Variants in NEK11 observed in about 807,000 individuals in gnomAD.
The protein encoded by NEK11 is serine/threonine-protein kinase Nek11.
Under a neutral mutation model 80.7 loss-of-function variants are expected in NEK11, and 72 were observed. That is an observed-to-expected ratio of 0.89 (90% CI 0.74 to 1.08). The LOEUF is 1.08. NEK11 is among the 50% of genes least tolerant of loss of function. The pLI is 0.00. For synonymous variants in NEK11, 251 were observed against 260.7 expected, an observed-to-expected ratio of 0.96 and a Z score of 0.36; for missense variants, 764 against 763.6, an observed-to-expected ratio of 1.00 and a Z score of -0.01.
chr3:131,049,801 A>C (rs1223751038), intron 3 of NEK11, among the ~76,000 whole-genome samples: 1 of 152,144 alleles, frequency 6.6e-6, no homozygotes, highest in Non-Finnish European at 1.5e-5. Flanking sequence ...AAAAGTAGAG[A>C]TCTTCTGAGG....
At chr3:131,220,834 A>G (rs1445020280) in intron 14 of NEK11, among the ~76,000 whole-genome samples, 3 of 151,926 alleles carry the variant, frequency 2.0e-5, no homozygotes, top group African/African-American at 7.3e-5. Context: ...TTGCTGTCAC[A>G]CTCTGGGTCC....
At chr3:131,274,689 C>G (rs1177206535) in intron 17 of NEK11, among the ~76,000 whole-genome samples, 1 of 132,952 alleles carries the variant, frequency 7.5e-6, no homozygotes, top group Non-Finnish European at 1.5e-5. Flanking sequence ...CTCTGTCGCC[C>G]AGGCCGGACT....
intron 16 of NEK11, among the ~76,000 whole-genome samples, chr3:131,254,429 G>A (rs1238064622): frequency 6.6e-6 from 1 of 152,074 alleles, no homozygotes; most frequent in African/African-American, 2.4e-5. Flanking sequence ...AGTTTCTAAG[G>A]GATTCAGAAG....
intron 3 of NEK11, among the ~76,000 whole-genome samples, chr3:131,041,712 T>A (rs2066515105): frequency 6.6e-6 from 1 of 152,174 alleles, no homozygotes; most frequent in South Asian, 2.1e-4. Context: ...AAGGGCTCAA[T>A]ATTTCATAAC....
chr3:131,216,392 T>C (rs2094835381), intron 14 of NEK11, among the ~76,000 whole-genome samples: 1 of 152,212 alleles, frequency 6.6e-6, no homozygotes, highest in Non-Finnish European at 1.5e-5. Flanking sequence ...CTCAATTTTA[T>C]TGGCAGCGAG....
At position 131,161,465 on chromosome 3, in the gene NEK11, A is replaced by G. The variant is rs570028297; in HGVS notation, c.963-943A>G. ...CATCCATGGTACACTAGATAAAGAA[A>G]ATGTGGTACATTTACACCATGGGAT... On this transcript the variant is annotated intron_variant, in intron 10 of 17. Coordinates refer to ENST00000383366, the MANE Select transcript of NEK11 (RefSeq NM_024800.5). Among the ~76,000 whole-genome samples, 3 of 152,300 alleles carry G rather than the reference A, an allele frequency of 2.0e-5. No homozygotes were observed. The East Asian group carries it at 5.8e-4, about 29-fold the overall frequency.
chr3:131,253,509 G>A (rs988668781), intron 16 of NEK11, among the ~76,000 whole-genome samples: 12 of 152,142 alleles, frequency 7.9e-5, no homozygotes, highest in African/African-American at 2.7e-4. Flanking sequence ...TGACATTTCC[G>A]TAGTTGAAAT....
At chr3:131,041,341 A>G (rs1352607011) in intron 3 of NEK11, among the ~76,000 whole-genome samples, 3 of 152,232 alleles carry the variant, frequency 2.0e-5, no homozygotes, top group Non-Finnish European at 2.9e-5. Flanking sequence ...GACCTGACAC[A>G]TATCTGAAAT....
At chr3:131,243,145 C>G (rs12637449) in intron 15 of NEK11, among the ~76,000 whole-genome samples, 2,783 of 152,122 alleles carry the variant, frequency 0.018, 41 homozygotes, top group East Asian at 0.084. Context: ...CATAAGCACA[C>G]GAAGGAGACA....
chr3:131,131,014 C>G (rs767296072), intron 5 of NEK11, among the ~76,000 whole-genome samples: 14 of 152,146 alleles, frequency 9.2e-5, no homozygotes, highest in Non-Finnish European at 2.9e-5. Flanking sequence ...GTTGGCCAGG[C>G]TGGTGTCGAA....
intron 3 of NEK11, among the ~76,000 whole-genome samples, chr3:131,046,140 C>T (rs1258280054): frequency 1.3e-5 from 2 of 152,046 alleles, no homozygotes; most frequent in Non-Finnish European, 2.9e-5. Context: ...TATTCTATTC[C>T]TTATGCGGTT....
At chr3:131,203,767 G>GTGTGTA (rs1560949416) in intron 14 of NEK11, among the ~76,000 whole-genome samples, 1 of 54,194 alleles carries the variant, frequency 1.8e-5, no homozygotes. Flanking sequence ...GTGTGTGTGT[G>GTGTGTA]TATATATATA....
intron 14 of NEK11, among the ~76,000 whole-genome samples, chr3:131,224,078 T>A (rs963604377): frequency 6.6e-6 from 1 of 152,154 alleles, no homozygotes; most frequent in Admixed American, 6.5e-5. Context: ...ATCATAGCCA[T>A]CATAACATTG....
intron 14 of NEK11, among the ~76,000 whole-genome samples, chr3:131,209,659 AG>A (rs1268573876): frequency 6.6e-6 from 1 of 152,174 alleles, no homozygotes; most frequent in East Asian, 1.9e-4. Context: ...CCTCAATTTC[AG>A]GGTCTGTTAT....
At chr3:131,062,992 A>G (rs932451840) in intron 3 of NEK11, among the ~76,000 whole-genome samples, 3 of 152,210 alleles carry the variant, frequency 2.0e-5, no homozygotes, top group Admixed American at 6.5e-5. Context: ...AGAATCAGAG[A>G]ATCTTAGGTA....
chr3:131,339,339 A>G (rs1037251105), intron 17 of NEK11, among the ~76,000 whole-genome samples: 1 of 152,196 alleles, frequency 6.6e-6, no homozygotes, highest in Non-Finnish European at 1.5e-5. Flanking sequence ...GAGCTGAAGG[A>G]ATCCTTAGAA....
At chr3:131,199,715 C>T (rs879362805) in intron 14 of NEK11, among the ~76,000 whole-genome samples, 1 of 151,978 alleles carries the variant, frequency 6.6e-6, no homozygotes, top group Non-Finnish European at 1.5e-5. Flanking sequence ...TGGCATTCTA[C>T]TTCTGATAAT....
At chr3:131,283,111 G>A (rs1382542493) in intron 17 of NEK11, among the ~76,000 whole-genome samples, 1 of 152,146 alleles carries the variant, frequency 6.6e-6, no homozygotes, top group Non-Finnish European at 1.5e-5. Flanking sequence ...TAGCTAGTAA[G>A]TGGCAAGGCT....
chr3:131,163,751 A>C (rs2091913563), intron 11 of NEK11, among the ~76,000 whole-genome samples: 1 of 152,196 alleles, frequency 6.6e-6, no homozygotes, highest in Admixed American at 6.5e-5. Context: ...CACAATGTAT[A>C]CATATATAAA....
Sources: allele counts gnomAD v4.1 joint callset (sites outside exome capture counted in the v4.1 genomes callset), GRCh38; gene constraint gnomAD v4.1.1; transcripts MANE v1.5; gene names NCBI Gene and HGNC (gene_info 2026-07-23, HGNC 2026-07-21).